Variants in ERN1 observed in about 807,000 individuals in gnomAD.
ERN1 encodes the protein serine/threonine-protein kinase/endoribonuclease IRE1.
A neutral mutation model predicts 113.1 loss-of-function variants in ERN1; 39 were observed. The ratio of observed to expected loss-of-function variants is 0.34; its 90% CI spans 0.27 to 0.45. The LOEUF (loss-of-function observed/expected upper bound fraction) is 0.45, where lower values mean the gene tolerates loss of function less well. ERN1 is among the 20% of genes least tolerant of loss of function. The pLI is 1.00. For synonymous variants in ERN1, 507 were observed against 515.9 expected, an observed-to-expected ratio of 0.98 and a Z score of 0.23; for missense variants, 976 against 1,274.8, an observed-to-expected ratio of 0.77 and a Z score of 3.57.
At chr17:64,119,982 C>A (rs1166338371) in intron 1 of ERN1, among the ~76,000 whole-genome samples, 2 of 152,102 alleles carry the variant, frequency 1.3e-5, no homozygotes, top group African/African-American at 4.8e-5. Context: ...GTCTCAAACT[C>A]CTGACTTCAA....
intron 1 of ERN1, chr17:64,102,734 TTCAGTCCTCAGTGC>T (rs140277300): frequency 1.0e-6 from 1 of 985,368 alleles, no homozygotes; most frequent in African/African-American, 1.7e-5. Context: ...GCCCAGCCAT[TTCAGTCCTCAGTGC>T]TCACTTTTCT....
At chr17:64,109,285 G>C (rs1341565249) in intron 1 of ERN1, among the ~76,000 whole-genome samples, 1 of 152,160 alleles carries the variant, frequency 6.6e-6, no homozygotes, top group African/African-American at 2.4e-5. Flanking sequence ...GGACAGTAGA[G>C]GAGTAGACAG....
chr17:64,111,102 C>T (rs1914659789), intron 1 of ERN1, among the ~76,000 whole-genome samples: 1 of 152,030 alleles, frequency 6.6e-6, no homozygotes, highest in Non-Finnish European at 1.5e-5. Flanking sequence ...AATGGCTGTC[C>T]CAGGCAGGAA....
chr17:64,055,603 G>T, intron 13 of ERN1, 72 bp downstream of exon 13: 1 of 1,371,716 alleles, frequency 7.3e-7, no homozygotes, highest in Non-Finnish European at 9.8e-7. Flanking sequence ...CAATCTTATG[G>T]AGACTCCTTG....
rs1913014539 is a variant in ERN1, at chr17:64,060,368, C to G, written c.1206+101G>C. 3.9e-6 allele frequency: 3 copies of G among 773,898 alleles called. 1 individual carries two copies. The South Asian group carries it at 4.6e-5, about 12-fold the overall frequency. 47.9% of individuals were successfully genotyped at this position (773,898 alleles called of 1,614,324 possible). On this transcript the variant is annotated intron_variant, in intron 11 of 21. Coordinates refer to ENST00000433197, the MANE Select transcript of ERN1 (RefSeq NM_001433.5). ...GATTCTGGTGCATTCCTCTTCCCTC[C>G]CAGACTAGGCTGCAAGCTCAGAAGG...
chr17:64,085,788 T>C (rs1286214841), intron 2 of ERN1, among the ~76,000 whole-genome samples: 1 of 152,176 alleles, frequency 6.6e-6, no homozygotes, highest in Non-Finnish European at 1.5e-5. Flanking sequence ...GGTATCTCCA[T>C]GGTGTGGCCA....
At chr17:64,060,201 T>C (rs2143356683) in intron 11 of ERN1, among the ~76,000 whole-genome samples, 1 of 152,310 alleles carries the variant, frequency 6.6e-6, no homozygotes, top group South Asian at 2.1e-4. Flanking sequence ...CTGTGCCCTC[T>C]TGCTCCCTCC....
At chr17:64,100,649 T>TA (rs1165352728) in intron 1 of ERN1, among the ~76,000 whole-genome samples, 3 of 152,106 alleles carry the variant, frequency 2.0e-5, no homozygotes. Context: ...CATGTGCCTG[T>TA]ATTCCCAGCT....
At chr17:64,115,741 G>C (rs780439094) in intron 1 of ERN1, among the ~76,000 whole-genome samples, 40 of 152,208 alleles carry the variant, frequency 2.6e-4, no homozygotes, top group Non-Finnish European at 1.2e-4. Flanking sequence ...GACAGAAGAT[G>C]AGGTGGGCAC....
Position 64,044,519 on chromosome 17 carries a change from C to T in ERN1, c.2722-319G>A, listed in dbSNP as rs559689655. Among the ~76,000 whole-genome samples, 480 of 152,302 alleles carry T rather than the reference C, an allele frequency of 3.2e-3. 1 individual carries two copies. Among genetic ancestry groups the T allele is most frequent in the Non-Finnish European group, 5.1e-3 (348 of 68,032 alleles). On this transcript the variant is annotated intron_variant, in intron 21 of 21. Coordinates refer to ENST00000433197, the MANE Select transcript of ERN1 (RefSeq NM_001433.5). The surrounding 1 kb of genome is among the most constrained non-coding windows in gnomAD (Gnocchi z 4.1). The stretch of plus-strand genomic sequence containing the variant: ...TCGCCTGAGATTGGAGTGTCCGTCC[C>T]AGTGGGGTCCCCGCATTTGAGGTAT...
intron 8 of ERN1, 97 bp from the exon 9 acceptor site, chr17:64,065,384 AC>A: frequency 3.6e-6 from 3 of 825,406 alleles, no homozygotes; most frequent in Non-Finnish European, 5.8e-6. Flanking sequence ...CGCAGGGATG[AC>A]CACATTAACC....
At chr17:64,066,596 G>C in intron 8 of ERN1, 75 bp downstream of exon 8, 5 of 1,563,204 alleles carry the variant, frequency 3.2e-6, no homozygotes, top group Non-Finnish European at 3.5e-6. Flanking sequence ...CTCCCGTGCA[G>C]GGCCTGCTAC....
At chr17:64,103,249 A>C (rs1914433906) in intron 1 of ERN1, among the ~76,000 whole-genome samples, 1 of 152,020 alleles carries the variant, frequency 6.6e-6, no homozygotes, top group Non-Finnish European at 1.5e-5. Context: ...TAATCCCAGC[A>C]CCTTTGGGAG....
At chr17:64,080,174 AT>A (rs1711991520) in intron 3 of ERN1, among the ~76,000 whole-genome samples, 1 of 152,182 alleles carries the variant, frequency 6.6e-6, no homozygotes, top group South Asian at 2.1e-4. Flanking sequence ...TTCAAGAGAT[AT>A]TTTTTGTTTA....
chr17:64,116,532 G>A (rs772735137), intron 1 of ERN1, among the ~76,000 whole-genome samples: 4 of 152,018 alleles, frequency 2.6e-5, no homozygotes, highest in Non-Finnish European at 5.9e-5. Flanking sequence ...TACCTTTAAA[G>A]GTCAGAGATT....
rs1443192739 is a variant in ERN1 at position 64,049,988 on chromosome 17, T to A, written c.2254-786A>T. Among the ~76,000 whole-genome samples the A allele has an allele frequency of 2.0e-5, 3 of 152,118 alleles. No homozygotes were observed. In the East Asian group the frequency reaches 5.8e-4, roughly 29 times the overall value. On this transcript the variant is annotated intron_variant, in intron 17 of 21. Transcript: ENST00000433197. This position sits in a 1 kb window ranked among gnomAD's most constrained non-coding sequence, Gnocchi z 4.7. ...AGCAGGGGCTCATCACCTCCCATGCTGGAGGAGACACACCTTGAACAACAC... is the reference window on the plus strand; with the variant it reads ...AGCAGGGGCTCATCACCTCCCATGCAGGAGGAGACACACCTTGAACAACAC...
intron 1 of ERN1, among the ~76,000 whole-genome samples, chr17:64,116,970 G>A (rs1914822908): frequency 6.7e-6 from 1 of 150,116 alleles, no homozygotes; most frequent in South Asian, 2.1e-4. Flanking sequence ...AAAAAAGCCA[G>A]GTGTTGTGGC....
At chr17:64,125,092 G>A (rs182811396) in intron 1 of ERN1, among the ~76,000 whole-genome samples, 367 of 152,266 alleles carry the variant, frequency 2.4e-3, no homozygotes, top group Non-Finnish European at 3.8e-3. Flanking sequence ...AAAACCCACC[G>A]AATTGTACAC....
At chr17:64,129,873 T>C in intron 1 of ERN1, 103 bp downstream of exon 1, 1 of 1,127,924 alleles carries the variant, frequency 8.9e-7, no homozygotes, top group African/African-American at 1.6e-5. Flanking sequence ...GCCGCCGCCG[T>C]CGCGCTCCCA....
Sources: gnomAD v4.1 joint callset for allele counts (sites outside exome capture counted in the v4.1 genomes callset) on GRCh38, gnomAD v4.1.1 for gene constraint, Gnocchi (gnomAD v3.1) non-coding constraint, MANE v1.5 for transcripts, NCBI Gene and HGNC (gene_info 2026-07-23, HGNC 2026-07-21) for gene names.